PARP8: variants seen among roughly 807,000 people sequenced by gnomAD.
The protein encoded by PARP8 is poly(ADP-ribose) polymerase family member 8.
A neutral mutation model predicts 124.1 loss-of-function variants in PARP8; 51 were observed. That is an observed-to-expected ratio of 0.41 (90% confidence interval 0.33 to 0.52). The LOEUF (loss-of-function observed/expected upper bound fraction) is 0.52, where lower values mean the gene tolerates loss of function less well. PARP8 is among the 20% of genes least tolerant of loss of function. The pLI, the probability that PARP8 is intolerant of heterozygous loss-of-function variation, is 0.21. For synonymous variants in PARP8, 391 were observed against 361.5 expected (o/e 1.08, Z -0.93); for missense variants, 860 against 1,018.9 (o/e 0.84, Z 2.12).
intron 25 of PARP8, among the ~76,000 whole-genome samples, chr5:50,838,008 A>G (rs1046771600): frequency 1.6e-4 from 25 of 152,150 alleles, no homozygotes; most frequent in African/African-American, 5.8e-4. Flanking sequence ...ATTGAGACCC[A>G]TATGTAGAAA....
intron 18 of PARP8, among the ~76,000 whole-genome samples, chr5:50,825,731 G>A (rs1746272835): frequency 6.6e-6 from 1 of 152,042 alleles, no homozygotes; most frequent in African/African-American, 2.4e-5. Context: ...TTACCATACA[G>A]TAATACAAAT....
chr5:50,737,499 G>A (rs1441827371), intron 2 of PARP8, among the ~76,000 whole-genome samples: 3 of 152,102 alleles, frequency 2.0e-5, no homozygotes, highest in Admixed American at 1.3e-4. Context: ...TAGAAAAGCA[G>A]CATCCATAAA....
chr5:50,844,064 A>G lies in PARP8; in HGVS notation c.*1996A>G, dbSNP rs1322764474. 1 of 151,796 alleles carries G rather than the reference A, an allele frequency of 6.6e-6. No individual in the cohort carries two copies. The highest frequency in any genetic ancestry group is 1.5e-5 in the Non-Finnish European group (1 of 67,810). 9.4% of individuals were successfully genotyped at this position (151,796 alleles called of 1,614,324 possible). A position where few individuals can be genotyped will look rare whatever the true frequency, so the allele number is the denominator to read the frequency against. On this transcript the variant is annotated 3_prime_UTR_variant, in exon 26 of 26. Transcript: ENST00000281631. ...TGGAGTGATCCGTAAAGAATATAGT[A>G]TTGGAGTCTGAACTGGAACGGTAAC... is the stretch of plus-strand genomic sequence containing the variant.
intron 14 of PARP8, among the ~76,000 whole-genome samples, chr5:50,806,321 T>C (rs1389479945): frequency 6.6e-6 from 1 of 152,022 alleles, no homozygotes; most frequent in Non-Finnish European, 1.5e-5. Context: ...ACTACATTTA[T>C]GTTCTGGAAA....
intron 2 of PARP8, among the ~76,000 whole-genome samples, chr5:50,749,450 TA>T (rs71612378): frequency 0.05 from 7,565 of 152,074 alleles, 262 homozygotes; most frequent in Middle Eastern, 0.099. Flanking sequence ...TTGACAGAGA[TA>T]AAAAATGAAC....
At chr5:50,733,574 C>T (rs1757195991) in intron 2 of PARP8, among the ~76,000 whole-genome samples, 1 of 152,050 alleles carries the variant, frequency 6.6e-6, no homozygotes, top group Admixed American at 6.6e-5. Flanking sequence ...CTATAGATAG[C>T]AGTATTTATG....
chr5:50,667,943 G>A, intron 1 of PARP8, 128 bp from the exon 2 acceptor site: 1 of 1,561,132 alleles, frequency 6.4e-7, no homozygotes, highest in Non-Finnish European at 8.6e-7. Flanking sequence ...GGACCTCGCC[G>A]CCCTCTAGCC....
intron 14 of PARP8, among the ~76,000 whole-genome samples, 156 bp from the exon 15 acceptor site, chr5:50,815,276 A>G (rs1744973217): frequency 6.6e-6 from 1 of 152,132 alleles, no homozygotes. Context: ...TGTTACCTAA[A>G]TTTAAGAATT....
At chr5:50,701,923 A>G (rs544581474) in intron 2 of PARP8, among the ~76,000 whole-genome samples, 52 of 152,256 alleles carry the variant, frequency 3.4e-4, no homozygotes, top group African/African-American at 1.2e-3. Context: ...CCTAGTTCTT[A>G]TAGTTCTGAC....
intron 2 of PARP8, among the ~76,000 whole-genome samples, chr5:50,695,833 A>T (rs1178410416): frequency 6.6e-6 from 1 of 152,138 alleles, no homozygotes; most frequent in African/African-American, 2.4e-5. Context: ...TAGAGCTGCT[A>T]TGGGAATTAT....
chr5:50,713,747 G>A (rs1451494533), intron 2 of PARP8, among the ~76,000 whole-genome samples: 2 of 152,078 alleles, frequency 1.3e-5, no homozygotes, highest in Non-Finnish European at 2.9e-5. Flanking sequence ...GTTGAGCCCA[G>A]TGTCATCACA....
chr5:50,829,029 A>G (rs185744505), intron 21 of PARP8, among the ~76,000 whole-genome samples: 15 of 152,336 alleles, frequency 9.8e-5, no homozygotes, highest in East Asian at 3.9e-4. Context: ...TGTTAATTCA[A>G]TGTACATTTC....
rs188793665 is a variant in PARP8 at position 50,775,653 on chromosome 5, A to G, written c.519-2416A>G. 3.2e-4 allele frequency among the ~76,000 whole-genome samples: 49 copies of G among 152,324 alleles called. 1 individual carries two copies. The East Asian group carries it at 6.9e-3, about 22-fold the overall frequency. On this transcript the variant is annotated intron_variant, in intron 7 of 25. Transcript: ENST00000281631. ...TATTCCTATGTATTTTATTTTTCAT[A>G]GCTGTTGTAAATAGGATTTGTTTTT...
chr5:50,750,741 A>G (rs924132471), intron 3 of PARP8, among the ~76,000 whole-genome samples: 21 of 152,130 alleles, frequency 1.4e-4, no homozygotes, highest in Admixed American at 3.9e-4. Flanking sequence ...TTAAATCACA[A>G]ACTTCCTTAC....
intron 1 of PARP8, 88 bp downstream of exon 1, chr5:50,667,274 G>A (rs915484981): frequency 2.2e-6 from 3 of 1,342,636 alleles, no homozygotes; most frequent in Middle Eastern, 2.5e-4. Flanking sequence ...GTGGGGTGGA[G>A]GGTTGCACGT....
chr5:50,698,080 A>G (rs1366402667), intron 2 of PARP8, among the ~76,000 whole-genome samples: 3 of 152,182 alleles, frequency 2.0e-5, no homozygotes, highest in African/African-American at 7.2e-5. Flanking sequence ...ACACATTTAG[A>G]TATGACTATG....
intron 2 of PARP8, among the ~76,000 whole-genome samples, chr5:50,689,031 G>GT (rs1752193218): frequency 5.0e-5 from 5 of 99,754 alleles, no homozygotes; most frequent in African/African-American, 6.4e-5. Context: ...TTTTTTTTTT[G>GT]ATTTTTTTTT....
intron 3 of PARP8, among the ~76,000 whole-genome samples, chr5:50,754,156 C>CATAT (rs1389112978): frequency 1.6e-3 from 63 of 38,770 alleles, no homozygotes; most frequent in Middle Eastern, 0.015. Context: ...TATATACACA[C>CATAT]ACACACACAC....
chr5:50,753,578 A>C (rs1230996469), intron 3 of PARP8, among the ~76,000 whole-genome samples: 1 of 152,072 alleles, frequency 6.6e-6, no homozygotes, highest in African/African-American at 2.4e-5. Flanking sequence ...AGGCAGATTC[A>C]AGTTTTACCA....
Sources: gnomAD v4.1 joint callset for allele counts (sites outside exome capture counted in the v4.1 genomes callset) on GRCh38, gnomAD v4.1.1 for gene constraint, MANE v1.5 for transcripts, NCBI Gene and HGNC (gene_info 2026-07-23, HGNC 2026-07-21) for gene names.